The following ZBTB7C variants were observed in gnomAD, a reference collection of about 807,000 sequenced individuals.
ZBTB7C encodes the protein zinc finger and BTB domain containing 7C.
A neutral mutation model predicts 25.7 loss-of-function variants in ZBTB7C; 8 were observed. The observed-to-expected ratio is 0.31, with a 90% CI of 0.18 to 0.56. The LOEUF is 0.56. ZBTB7C is among the 20% of genes least tolerant of loss of function. The pLI is 0.91. For synonymous variants in ZBTB7C, 394 were observed against 369.0 expected, an observed-to-expected ratio of 1.07 and a Z score of -0.78; for missense variants, 824 against 855.2, an observed-to-expected ratio of 0.96 and a Z score of 0.46.
intron 3 of ZBTB7C, among the ~76,000 whole-genome samples, chr18:48,057,482 A>C (rs1267866603): frequency 6.6e-6 from 1 of 152,220 alleles, no homozygotes; most frequent in East Asian, 1.9e-4. Flanking sequence ...AGGTTTAGAA[A>C]GAAAAAGATG....
At chr18:48,353,333 A>T (rs534406635) in intron 1 of ZBTB7C, among the ~76,000 whole-genome samples, 110 of 152,268 alleles carry the variant, frequency 7.2e-4, no homozygotes, top group African/African-American at 2.4e-3. Flanking sequence ...ATTGTCTAAA[A>T]TCACAAGCTC....
At chr18:48,269,826 T>C (rs1182036279) in intron 2 of ZBTB7C, among the ~76,000 whole-genome samples, 4 of 152,216 alleles carry the variant, frequency 2.6e-5, no homozygotes, top group Non-Finnish European at 5.9e-5. Flanking sequence ...GTGATTTCCT[T>C]CTGAGCCTCT....
intron 2 of ZBTB7C, among the ~76,000 whole-genome samples, chr18:48,217,224 C>T (rs765605357): frequency 1.6e-4 from 24 of 152,298 alleles, no homozygotes; most frequent in Admixed American, 7.8e-4. Context: ...TGATTTGCTA[C>T]GGCAGCCTGA....
At chr18:48,411,620 G>C (rs2048384396), upstream of ZBTB7C, among the ~76,000 whole-genome samples, 1 of 152,238 alleles carries the variant, frequency 6.6e-6, no homozygotes, top group African/African-American at 2.4e-5. Flanking sequence ...AGAGCACCTA[G>C]AGGATCCCAG....
chr18:48,274,142 G>A (rs1007539729), intron 2 of ZBTB7C, among the ~76,000 whole-genome samples: 1 of 152,158 alleles, frequency 6.6e-6, no homozygotes, highest in African/African-American at 2.4e-5. Flanking sequence ...GATTATGTGT[G>A]ATGGAATTGG....
chr18:48,161,400 C>T (rs1194789105), intron 3 of ZBTB7C, among the ~76,000 whole-genome samples: 5 of 151,800 alleles, frequency 3.3e-5, no homozygotes, highest in Admixed American at 1.3e-4. Flanking sequence ...AGGGTGGGGC[C>T]GGGATGAGAG....
intron 3 of ZBTB7C, among the ~76,000 whole-genome samples, chr18:48,107,658 C>G (rs569880502): frequency 6.6e-6 from 1 of 152,086 alleles, no homozygotes; most frequent in Non-Finnish European, 1.5e-5. Context: ...GGGGCAGGGC[C>G]GGCCTCCTTG....
chr18:48,171,539 G>C (rs935709816), intron 3 of ZBTB7C, among the ~76,000 whole-genome samples: 1 of 152,256 alleles, frequency 6.6e-6, no homozygotes, highest in African/African-American at 2.4e-5. Context: ...CCCATGATGG[G>C]AATGACCATT....
intron 2 of ZBTB7C, among the ~76,000 whole-genome samples, chr18:48,323,572 C>T (rs2144866872): frequency 6.6e-6 from 1 of 152,290 alleles, no homozygotes; most frequent in Non-Finnish European, 1.5e-5. Context: ...AAGTCCTTTG[C>T]AGTTCTATGA....
At chr18:48,358,042 T>C (rs887933467) in intron 1 of ZBTB7C, among the ~76,000 whole-genome samples, 2 of 152,090 alleles carry the variant, frequency 1.3e-5, no homozygotes, top group Admixed American at 1.3e-4. Context: ...TCATGTGAGA[T>C]CTGGTTGTTT....
At chr18:48,155,206 A>T (rs1239501892) in intron 3 of ZBTB7C, among the ~76,000 whole-genome samples, 2 of 151,458 alleles carry the variant, frequency 1.3e-5, no homozygotes, top group Admixed American at 1.3e-4. Flanking sequence ...TCACAGGAAC[A>T]TTTGTCCTAT....
At chr18:48,127,572 C>T (rs2039844976) in intron 3 of ZBTB7C, among the ~76,000 whole-genome samples, 1 of 152,224 alleles carries the variant, frequency 6.6e-6, no homozygotes, top group Non-Finnish European at 1.5e-5. Flanking sequence ...TTCGATGGCC[C>T]CCACTGGTTG....
intron 2 of ZBTB7C, among the ~76,000 whole-genome samples, chr18:48,207,252 G>A (rs2042596302): frequency 6.6e-6 from 1 of 152,158 alleles, no homozygotes; most frequent in South Asian, 2.1e-4. Context: ...AGAGTGTTAA[G>A]CAATATCTCT....
chr18:48,041,262 T>A (rs769970477), intron 3 of ZBTB7C, 139 bp from the exon 4 acceptor site: 94 of 1,409,560 alleles, frequency 6.7e-5, no homozygotes, highest in Non-Finnish European at 8.5e-5. Flanking sequence ...CTCTTAGCCT[T>A]GCCAAATCTC....
chr18:48,269,459 G>A (rs889203430), intron 2 of ZBTB7C, among the ~76,000 whole-genome samples: 1 of 152,192 alleles, frequency 6.6e-6, no homozygotes, highest in Non-Finnish European at 1.5e-5. Context: ...ATGATTTTGT[G>A]GGGGCCATCA....
intron 2 of ZBTB7C, among the ~76,000 whole-genome samples, chr18:48,210,846 AT>A (rs1376674508): frequency 6.6e-6 from 1 of 152,178 alleles, no homozygotes; most frequent in Non-Finnish European, 1.5e-5. Context: ...TTTTTTAAAA[AT>A]TCCATAAAGT....
chr18:48,029,438 C>T lies in ZBTB7C; in HGVS notation c.1682G>A (p.Arg561His), dbSNP rs569631391. The change falls in exon 5 of 5, where the codon CGC becomes CAC. Residue 561 changes from arginine (R) to histidine (H), a missense_variant. Transcript: ENST00000590800. The part of the protein sequence containing the change: ...FEETQMKLFG[R>H]AQLEAERNAG... Reference sequence around the variant, plus strand: ...GTTCCTCTCAGCCTCCAGCTGCGCGCGCCCGAACAGCTTCATCTGTGTCTC... The same window carrying T: ...GTTCCTCTCAGCCTCCAGCTGCGCGTGCCCGAACAGCTTCATCTGTGTCTC... 5.0e-6 allele frequency: 8 copies of T among 1,593,020 alleles called. No homozygotes were observed. The South Asian group carries it at 6.7e-5, about 13-fold the overall frequency.
At chr18:48,375,380 G>A (rs571626187) in intron 1 of ZBTB7C, among the ~76,000 whole-genome samples, 3 of 152,356 alleles carry the variant, frequency 2.0e-5, no homozygotes, top group South Asian at 4.1e-4. Flanking sequence ...CAGTGGGAAG[G>A]AAAGCTGGGT....
rs181552685 is a variant in ZBTB7C, at chr18:48,164,876, C to T, written c.-17+21058G>A. Among the ~76,000 whole-genome samples, 167 of 152,268 alleles carry T rather than the reference C, an allele frequency of 1.1e-3. 1 individual carries two copies. Among genetic ancestry groups the T allele is most frequent in the African/African-American group, 3.9e-3 (163 of 41,548 alleles). On this transcript the variant is annotated intron_variant, in intron 3 of 4. Transcript: ENST00000590800. ...TAGTCCTCACCACGAGCCCCCACCC[C>T]CTACATCCCACCAAGTTGGGATTGT...
Sources: gnomAD v4.1 joint callset for allele counts (sites outside exome capture counted in the v4.1 genomes callset) on GRCh38, gnomAD v4.1.1 for gene constraint, MANE v1.5 for transcripts, NCBI Gene and HGNC (gene_info 2026-07-23, HGNC 2026-07-21) for gene names.